The following KRT73 variants were observed in gnomAD, a reference collection of about 807,000 sequenced individuals.
KRT73 encodes the protein keratin, type II cytoskeletal 73.
In KRT73, 44 loss-of-function variants were observed where a neutral mutation model predicts 47.2. The ratio of observed to expected loss-of-function variants is 0.93; its 90% confidence interval spans 0.73 to 1.20. The LOEUF is 1.20. Ranked by LOEUF, KRT73 falls within the 50% of genes most tolerant of loss-of-function variation. KRT73 has a pLI of 0.00. For synonymous variants in KRT73, 285 were observed against 291.3 expected, an observed-to-expected ratio of 0.98 and a Z score of 0.22; for missense variants, 713 against 704.5, an observed-to-expected ratio of 1.01 and a Z score of -0.14.
chr12:52,620,714 G>C (rs749848362), upstream of KRT73, among the ~76,000 whole-genome samples: 1 of 151,986 alleles, frequency 6.6e-6, no homozygotes, highest in African/African-American at 2.4e-5. Flanking sequence ...CCCCTCCCTG[G>C]CCTTCTCATC....
chr12:52,611,952 C>T (rs1940712525), intron 5 of KRT73, among the ~76,000 whole-genome samples: 1 of 152,220 alleles, frequency 6.6e-6, no homozygotes, highest in South Asian at 2.1e-4. Flanking sequence ...ATAGGTCTCC[C>T]CACACTGTAG....
rs1940617550 is a variant in KRT73 at position 52,608,008 on chromosome 12, A to G, written c.*188T>C. The G allele has an allele frequency of 3.2e-6, 2 of 631,688 alleles. No homozygotes were observed. The highest frequency in any genetic ancestry group is 3.7e-5 in the African/African-American group (2 of 54,202). 39.1% of individuals were successfully genotyped at this position (631,688 alleles called of 1,614,324 possible). A position where few individuals can be genotyped will look rare whatever the true frequency, so the allele number is the denominator to read the frequency against. The stretch of plus-strand genomic sequence containing the variant: ...GGATGGAGGCAGAAAGATGGGCTCC[A>G]GCTCTCAAATCCTGATTCAACATTA... On this transcript the variant is annotated 3_prime_UTR_variant, in exon 9 of 9. Transcript: ENST00000305748.
upstream of KRT73, among the ~76,000 whole-genome samples, chr12:52,621,301 G>A (rs11170204): frequency 2.8e-5 from 4 of 141,936 alleles, no homozygotes; most frequent in Admixed American, 2.8e-4. Context: ...GGGGGGGGGG[G>A]GGAGAGAGAA....
At chr12:52,629,003 C>T in the KRT73 span, among the ~76,000 whole-genome samples, 2 of 152,164 alleles carry the variant, frequency 1.3e-5, no homozygotes, top group Non-Finnish European at 2.9e-5. Context: ...AACTTGACTC[C>T]TCATCTCCCA....
the KRT73 span, among the ~76,000 whole-genome samples, chr12:52,625,387 A>G: frequency 6.6e-6 from 1 of 152,254 alleles, no homozygotes; most frequent in Non-Finnish European, 1.5e-5. Context: ...ATAAGCACAC[A>G]AAATGAAATT....
In KRT73 at chr12:52,608,070, A is replaced by G; in HGVS notation, c.*126T>C. ...GGCAGAGAGGTCAAGGAGAAGGAGG[A>G]GAGGTCCACAGCAAAGCAAAGCAAG... is the stretch of plus-strand genomic sequence containing the variant. On this transcript the variant is annotated 3_prime_UTR_variant, in exon 9 of 9. Coordinates refer to ENST00000305748, the MANE Select transcript of KRT73 (RefSeq NM_175068.3). 3.1e-6 allele frequency: 3 copies of G among 966,834 alleles called. No homozygotes were observed. Among genetic ancestry groups the G allele is most frequent in the Non-Finnish European group, 4.6e-6 (3 of 650,470 alleles). 59.9% of individuals were successfully genotyped at this position (966,834 alleles called of 1,614,324 possible). A position where few individuals can be genotyped will look rare whatever the true frequency, so the allele number is the denominator to read the frequency against.
In KRT73 at chr12:52,609,257, G is replaced by A. The variant is rs775790260; in HGVS notation, c.1356C>T (p.Ser452=). ...ECRMSGEYTN[S]VSISVINSSM... The stretch of plus-strand genomic sequence containing the variant: ...TCATGAAATACTCACAAATGCTCAC[G>A]GAGTTGGTATATTCTCCGGACATCC... Residue 452 remains serine, a synonymous_variant, in exon 8 of 9, where the codon TCC becomes TCT. Transcript: ENST00000305748. 30 of 1,613,504 alleles carry A rather than the reference G, an allele frequency of 1.9e-5. No individual in the cohort carries two copies. The highest frequency in any genetic ancestry group is 3.3e-5 in the South Asian group (3 of 91,032).
chr12:52,618,040 AG>A, intron 1 of KRT73, 37 bp downstream of exon 1: 1 of 1,596,638 alleles, frequency 6.3e-7, no homozygotes, highest in Non-Finnish European at 8.5e-7. Flanking sequence ...AGTCCTTAAA[AG>A]GGGAGCCCAA....
At position 52,613,733 on chromosome 12, in the gene KRT73, G is replaced by A. The variant is rs576227899; in HGVS notation, c.939C>T (p.Ile313=). The change falls in exon 5 of 9, where the codon ATC becomes ATT. Residue 313 remains isoleucine, a synonymous_variant. Transcript: ENST00000305748. ...IAEVRAQYEE[I]ARKSKAEAEA... ...CGGCCTCGGCCTTGCTCTTCCGGGC[G>A]ATCTCCTCATACTGGGCACGGACCT... The A allele has an allele frequency of 7.6e-5, 122 of 1,614,084 alleles. No individual in the cohort carries two copies. Among genetic ancestry groups the A allele is most frequent in the Admixed American group, 5.0e-4 (30 of 60,010 alleles).
chr12:52,608,159 C>A lies in KRT73; in HGVS notation c.*37G>T. The A allele has an allele frequency of 6.3e-7, 1 of 1,575,772 alleles. No individual in the cohort carries two copies. Among genetic ancestry groups the A allele is most frequent in the South Asian group, 1.2e-5 (1 of 83,542 alleles). On this transcript the variant is annotated 3_prime_UTR_variant, in exon 9 of 9. Transcript: ENST00000305748. ...AAGAGTCCGGAGCAGTCTGCCAGGG[C>A]AAGGCAGACTACTGGGAAATGGGCT... is the stretch of plus-strand genomic sequence containing the variant.
intron 1 of KRT73, among the ~76,000 whole-genome samples, chr12:52,616,856 C>G (rs992891611): frequency 3.9e-5 from 6 of 152,216 alleles, no homozygotes; most frequent in African/African-American, 1.4e-4. Flanking sequence ...AGATGTTCAG[C>G]TTATCTGGGG....
At position 52,618,213 on chromosome 12, in the gene KRT73, G is replaced by C; in HGVS notation, c.312C>G (p.Ile104Met). ...GGCTCTTGTTGATGGTGACCTGATG[G>C]ATACCCCCGGGCGGGCACAACGACG... is the stretch of plus-strand genomic sequence containing the variant. ...VCPSLCPPGG[I>M]HQVTINKSLL... is the part of the protein sequence containing the mutation. The change falls in exon 1 of 9, where the codon ATC (isoleucine) becomes ATG (methionine). Residue 104 changes from isoleucine (I) to methionine (M), a missense_variant. Coordinates refer to ENST00000305748, the MANE Select transcript of KRT73 (RefSeq NM_175068.3). 2 of 1,614,102 alleles carry C rather than the reference G, an allele frequency of 1.2e-6. No individual in the cohort carries two copies. Among genetic ancestry groups the C allele is most frequent in the Non-Finnish European group, 1.7e-6 (2 of 1,180,020 alleles).
At chr12:52,624,508 G>C in the KRT73 span, among the ~76,000 whole-genome samples, 3 of 151,868 alleles carry the variant, frequency 2.0e-5, no homozygotes, top group African/African-American at 7.3e-5. Context: ...CCATACTCTG[G>C]GATATAAAAT....
chr12:52,608,548 C>G, intron 8 of KRT73, 96 bp from the exon 9 acceptor site: 1 of 1,103,006 alleles, frequency 9.1e-7, no homozygotes. Context: ...AGCTTAAATA[C>G]CTCCTTCTTA....
upstream of KRT73, among the ~76,000 whole-genome samples, chr12:52,620,565 G>A (rs1269850651): frequency 1.3e-5 from 2 of 152,130 alleles, no homozygotes; most frequent in Non-Finnish European, 2.9e-5. Context: ...CTGCATCTCA[G>A]CAAAACTACA....
At chr12:52,627,903 A>ATGTG in the KRT73 span, among the ~76,000 whole-genome samples, 2,180 of 150,998 alleles carry the variant, frequency 0.014, 55 homozygotes, top group East Asian at 0.052. Flanking sequence ...CAGAATGAAC[A>ATGTG]TGTGTGTGTG....
intron 4 of KRT73, chr12:52,614,083 CT>C: frequency 2.0e-6 from 1 of 509,404 alleles, no homozygotes; most frequent in Non-Finnish European, 3.4e-6. Flanking sequence ...TGTCTGTCCC[CT>C]GAGACAGGAC....
chr12:52,609,492 G>A (rs1468238249), intron 7 of KRT73, among the ~76,000 whole-genome samples: 1 of 152,140 alleles, frequency 6.6e-6, no homozygotes, highest in African/African-American at 2.4e-5. Flanking sequence ...TGTGGAACCT[G>A]CAACTTTGGA....
chr12:52,611,561 C>T (rs1411060215), intron 5 of KRT73: 1 of 535,848 alleles, frequency 1.9e-6, no homozygotes, highest in Non-Finnish European at 3.3e-6. Context: ...TGTTGAATGT[C>T]CCAGACTCTC....
Sources: allele counts gnomAD v4.1 joint callset (sites outside exome capture counted in the v4.1 genomes callset), GRCh38; gene constraint gnomAD v4.1.1; transcripts MANE v1.5; gene names NCBI Gene and HGNC (gene_info 2026-07-23, HGNC 2026-07-21).